The following ANO4 variants were observed in gnomAD, a reference collection of about 807,000 sequenced individuals.
The protein encoded by ANO4 is anoctamin-4.
In ANO4, 69 loss-of-function variants were observed where a neutral mutation model predicts 141.9. That is an observed-to-expected ratio of 0.49 (90% CI 0.40 to 0.59). The LOEUF is 0.59. ANO4 is among the 20% of genes least tolerant of loss of function. The pLI is 0.00. For missense variants in ANO4, 894 were observed against 1,162.2 expected (o/e 0.77, Z 3.36); for synonymous variants, 350 against 394.3 (o/e 0.89, Z 1.33).
chr12:100,955,596 C>T (rs2043145560), intron 5 of ANO4, among the ~76,000 whole-genome samples: 1 of 152,150 alleles, frequency 6.6e-6, no homozygotes, highest in Admixed American at 6.5e-5. Flanking sequence ...GTGGGATGAA[C>T]AGTAATGTTG....
chr12:100,752,184 CCTT>C (rs529637020), intron 3 of ANO4, among the ~76,000 whole-genome samples: 133 of 152,244 alleles, frequency 8.7e-4, no homozygotes, highest in Non-Finnish European at 1.5e-3. Context: ...TTAACTGTCT[CCTT>C]CTCATATTTC....
intron 3 of ANO4, among the ~76,000 whole-genome samples, chr12:100,749,454 T>G (rs1404772186): frequency 6.6e-6 from 1 of 152,240 alleles, no homozygotes; most frequent in Non-Finnish European, 1.5e-5. Context: ...AATTTCCTAT[T>G]TTCCTAAACT....
At chr12:100,825,614 C>T (rs2036290990) in intron 1 of ANO4, among the ~76,000 whole-genome samples, 1 of 152,026 alleles carries the variant, frequency 6.6e-6, no homozygotes, top group African/African-American at 2.4e-5. Context: ...CCAGGCCTCA[C>T]ATATGACGGC....
intron 3 of ANO4, among the ~76,000 whole-genome samples, chr12:100,753,553 C>A (rs1215799882): frequency 6.6e-6 from 1 of 152,108 alleles, no homozygotes; most frequent in Non-Finnish European, 1.5e-5. Flanking sequence ...TTTAGGAAGG[C>A]AGACACTTGC....
intron 17 of ANO4, among the ~76,000 whole-genome samples, chr12:101,088,734 A>AT (rs1055283666): frequency 2.6e-5 from 4 of 151,550 alleles, no homozygotes; most frequent in Admixed American, 6.6e-5. Flanking sequence ...TACAAACAAA[A>AT]TTTTTTTTTA....
At chr12:100,926,135 A>C (rs1034028627) in intron 3 of ANO4, among the ~76,000 whole-genome samples, 1 of 152,112 alleles carries the variant, frequency 6.6e-6, no homozygotes, top group Admixed American at 6.6e-5. Flanking sequence ...CTAAATACTA[A>C]ATTAAATAAA....
intron 9 of ANO4, among the ~76,000 whole-genome samples, chr12:101,029,573 A>T (rs949902384): frequency 6.6e-6 from 1 of 152,210 alleles, no homozygotes; most frequent in African/African-American, 2.4e-5. Flanking sequence ...AGATCAAAAA[A>T]GACAAGGTCA....
At chr12:100,924,602 A>G (rs1451093044) in intron 3 of ANO4, among the ~76,000 whole-genome samples, 3 of 152,172 alleles carry the variant, frequency 2.0e-5, no homozygotes, top group Non-Finnish European at 4.4e-5. Context: ...TGAATAAAAG[A>G]GAAAAAATTT....
At chr12:101,105,369 G>A (rs1204345953) in intron 22 of ANO4, among the ~76,000 whole-genome samples, 1 of 152,162 alleles carries the variant, frequency 6.6e-6, no homozygotes, top group Admixed American at 6.5e-5. Context: ...AAATAATTTT[G>A]GCTTTTTGAG....
intron 7 of ANO4, among the ~76,000 whole-genome samples, chr12:100,975,392 CTTTCTTTTTCTTT>C (rs1389867973): frequency 5.6e-4 from 84 of 151,262 alleles, no homozygotes; most frequent in African/African-American, 1.9e-3. Flanking sequence ...CTTCCCTTCC[CTTTCTTTTTCTTT>C]TTTCTTTTTC....
At chr12:100,953,633 G>A (rs978298644) in intron 5 of ANO4, among the ~76,000 whole-genome samples, 2 of 152,190 alleles carry the variant, frequency 1.3e-5, no homozygotes, top group Admixed American at 6.5e-5. Context: ...AAATATATCA[G>A]ATGTAATAGG....
intron 2 of ANO4, among the ~76,000 whole-genome samples, chr12:100,738,937 G>GAAT (rs2031730191): frequency 6.6e-6 from 1 of 150,584 alleles, no homozygotes; most frequent in Non-Finnish European, 1.5e-5. Flanking sequence ...TTACAACTTG[G>GAAT]TACTTTTTTA....
upstream of ANO4, among the ~76,000 whole-genome samples, chr12:100,791,236 G>A (rs557350138): frequency 2.0e-5 from 3 of 151,956 alleles, no homozygotes; most frequent in African/African-American, 4.8e-5. Context: ...AAAATTAGCC[G>A]GGTGTGGTGG....
At chr12:100,828,754 T>C (rs1250024083) in intron 1 of ANO4, among the ~76,000 whole-genome samples, 1 of 152,076 alleles carries the variant, frequency 6.6e-6, no homozygotes, top group Non-Finnish European at 1.5e-5. Flanking sequence ...CAACTTCATA[T>C]AGCTTATCAA....
intron 14 of ANO4, among the ~76,000 whole-genome samples, chr12:101,076,194 G>C (rs1239958652): frequency 6.6e-6 from 1 of 152,070 alleles, no homozygotes; most frequent in Non-Finnish European, 1.5e-5. Flanking sequence ...ATTAGTAAGG[G>C]GGGCCTCTGG....
intron 13 of ANO4, among the ~76,000 whole-genome samples, chr12:101,046,707 A>G (rs1168934332): frequency 2.6e-5 from 4 of 151,994 alleles, no homozygotes; most frequent in Non-Finnish European, 2.9e-5. Context: ...ACCCCTCCTC[A>G]TTCATATATT....
At chr12:100,769,350 G>A (rs1227621621) in intron 3 of ANO4, among the ~76,000 whole-genome samples, 1 of 152,186 alleles carries the variant, frequency 6.6e-6, no homozygotes. Context: ...AGGATATCAT[G>A]AAGGTAATAG....
chr12:101,103,181 T>TATATATATATATA (rs1555302952), intron 22 of ANO4, among the ~76,000 whole-genome samples: 2 of 90,696 alleles, frequency 2.2e-5, no homozygotes, highest in African/African-American at 1.0e-4. Context: ...TTTTTAGTCA[T>TATATATATATATA]TTTATATATA....
chr12:101,043,739 G>A, intron 13 of ANO4, 104 bp downstream of exon 13: 1 of 814,614 alleles, frequency 1.2e-6, no homozygotes, highest in Non-Finnish European at 2.0e-6. Flanking sequence ...TGATTTTCAA[G>A]TGAATGTTGT....
Sources: allele counts gnomAD v4.1 joint callset (sites outside exome capture counted in the v4.1 genomes callset), GRCh38; gene constraint gnomAD v4.1.1; transcripts MANE v1.5; gene names NCBI Gene and HGNC (gene_info 2026-07-23, HGNC 2026-07-21).